The following ZC3HAV1L variants were observed in gnomAD, a reference collection of about 807,000 sequenced individuals.
ZC3HAV1L encodes the protein ZC3HAV1 like, also known as zinc finger CCCH-type antiviral protein 1-like.
In ZC3HAV1L, 23 loss-of-function variants were observed where a neutral mutation model predicts 28.2. That is an observed-to-expected ratio of 0.82 (90% confidence interval 0.59 to 1.16). ZC3HAV1L has a LOEUF of 1.16. ZC3HAV1L is among the 50% of genes most tolerant of loss of function. The pLI, the probability that ZC3HAV1L is intolerant of heterozygous loss-of-function variation, is 0.00. For synonymous variants in ZC3HAV1L, 180 were observed against 163.4 expected (o/e 1.10, Z -0.78); for missense variants, 376 against 387.7 (o/e 0.97, Z 0.25).
chr7:139,027,378 A>G (rs1815386383), intron 3 of ZC3HAV1L, among the ~76,000 whole-genome samples: 1 of 152,240 alleles, frequency 6.6e-6, no homozygotes, highest in Non-Finnish European at 1.5e-5. Flanking sequence ...TTGTAGACTA[A>G]AAAACTACTA....
intron 1 of ZC3HAV1L, 200 bp downstream of exon 1, chr7:139,035,453 G>A: frequency 1.0e-6 from 1 of 985,386 alleles, no homozygotes; most frequent in South Asian, 4.7e-5. Context: ...TCTCCATGGA[G>A]AGGACCTTCG....
Position 139,034,636 on chromosome 7 carries a change from G to A in ZC3HAV1L, c.408C>T (p.Asn136=). 6.2e-7 allele frequency: 1 copy of A among 1,614,024 alleles called. No homozygotes were observed. Among genetic ancestry groups the A allele is most frequent in the Non-Finnish European group, 8.5e-7 (1 of 1,179,926 alleles). The change falls in exon 2 of 5, where the codon AAC becomes AAT. Residue 136 remains asparagine, a synonymous_variant. Coordinates refer to ENST00000275766, the MANE Select transcript of ZC3HAV1L (RefSeq NM_080660.4). ...TLSHDIHTPV[N]MQVLKSHGLF... is the part of the protein sequence containing the mutation. ...GTCCATGGCTTTTCAGGACCTGCAT[G>A]TTGACAGGTGTGTGGATATCATGGG... is the stretch of plus-strand genomic sequence containing the variant.
intron 3 of ZC3HAV1L, among the ~76,000 whole-genome samples, chr7:139,027,063 G>C (rs1400123299): frequency 1.3e-5 from 2 of 152,128 alleles, no homozygotes; most frequent in African/African-American, 2.4e-5. Context: ...AACGAAACCA[G>C]ATGAAGACAA....
At chr7:139,035,396 G>A in intron 1 of ZC3HAV1L, 6 of 985,234 alleles carry the variant, frequency 6.1e-6, no homozygotes, top group Non-Finnish European at 7.2e-6. Flanking sequence ...CAGGATCCGG[G>A]GGGGCGGGCG....
chr7:139,035,762 A>ACACGGC lies in ZC3HAV1L; in HGVS notation c.250_255dup (p.Ala84_Val85dup). 1.3e-6 allele frequency: 2 copies of ACACGGC among 1,498,578 alleles called. No homozygotes were observed. The highest frequency in any genetic ancestry group is 1.8e-6 in the Non-Finnish European group (2 of 1,132,384). The allele number at this position is 1,498,578 out of a possible 1,614,324, so 92.8% of individuals were successfully genotyped here. On this transcript the variant is annotated inframe_insertion, in exon 1 of 5. Transcript: ENST00000275766. ...TAGCGGGCGCAGAGGCGCACAGAGG[A>ACACGGC]CACGGCCACCACCCTCCAGGCGGAG...
At chr7:139,031,423 A>G (rs1362137506) in intron 2 of ZC3HAV1L, among the ~76,000 whole-genome samples, 1 of 151,986 alleles carries the variant, frequency 6.6e-6, no homozygotes, top group Non-Finnish European at 1.5e-5. Context: ...TGTCTCTACT[A>G]AAAACACAAC....
At position 139,035,761 on chromosome 7, in the gene ZC3HAV1L, G is replaced by A. The variant is rs1362713643; in HGVS notation, c.257C>T (p.Ser86Phe). 4.0e-6 allele frequency: 6 copies of A among 1,498,662 alleles called. No individual in the cohort carries two copies. Among genetic ancestry groups the A allele is most frequent in the Middle Eastern group, 2.2e-4 (1 of 4,502 alleles). 92.8% of individuals were successfully genotyped at this position (1,498,662 alleles called of 1,614,324 possible). Residue 86 changes from serine (S) to phenylalanine (F), a missense_variant, in exon 1 of 5, where the codon TCC becomes TTC. Coordinates refer to ENST00000275766, the MANE Select transcript of ZC3HAV1L (RefSeq NM_080660.4). ...GTSAWRVVAV[S>F]SVRLCARYQR... Reference sequence around the variant, plus strand: ...GTAGCGGGCGCAGAGGCGCACAGAGGACACGGCCACCACCCTCCAGGCGGA... The same window carrying A: ...GTAGCGGGCGCAGAGGCGCACAGAGAACACGGCCACCACCCTCCAGGCGGA...
chr7:139,030,140 AACTCT>A (rs1815481098), intron 2 of ZC3HAV1L, among the ~76,000 whole-genome samples: 2 of 152,298 alleles, frequency 1.3e-5, no homozygotes, highest in African/African-American at 4.8e-5. Context: ...CACGTAAAAA[AACTCT>A]TGCTATAAAA....
At position 139,026,783 on chromosome 7, in the gene ZC3HAV1L, C is replaced by T. The variant is rs757596451; in HGVS notation, c.811G>A (p.Val271Met). The change falls in exon 4 of 5, where the codon GTG (valine) becomes ATG (methionine). Residue 271 changes from valine to methionine, a missense_variant. Physicochemically the swap from Val to Met is conservative, Grantham distance 21. Transcript: ENST00000275766. ...EHSQGLEKQG[V>M]HAAGAAEAGP... ...GCTTCTGCAGCTCCAGCTGCGTGCA[C>T]TCCTTGCTTCTCAAGGCCTTGTGAA... 4 of 1,614,164 alleles carry T rather than the reference C, an allele frequency of 2.5e-6. No homozygotes were observed. The highest frequency in any genetic ancestry group is 1.7e-5 in the Admixed American group (1 of 60,026).
intron 1 of ZC3HAV1L, 32 bp downstream of exon 1, chr7:139,035,621 C>G (rs1159977006): frequency 1.5e-6 from 2 of 1,365,654 alleles, no homozygotes; most frequent in Middle Eastern, 2.7e-4. Context: ...GCGGCCAGCG[C>G]CCACAGTCCC....
At chr7:139,032,604 T>C (rs542737906) in intron 2 of ZC3HAV1L, among the ~76,000 whole-genome samples, 29 of 147,462 alleles carry the variant, frequency 2.0e-4, no homozygotes, top group African/African-American at 6.5e-4. Context: ...GCCTGGGTGA[T>C]AGAGTGAGAC....
At chr7:139,035,414 C>A in intron 1 of ZC3HAV1L, 1 of 985,382 alleles carries the variant, frequency 1.0e-6, no homozygotes, top group Non-Finnish European at 1.2e-6. Context: ...GCGGGGGCAG[C>A]AACTTTTCTG....
At chr7:139,033,275 C>G (rs978694364) in intron 2 of ZC3HAV1L, among the ~76,000 whole-genome samples, 1 of 151,406 alleles carries the variant, frequency 6.6e-6, no homozygotes, top group Non-Finnish European at 1.5e-5. Flanking sequence ...TTGTTTAATG[C>G]TTTTATTTTA....
chr7:139,030,629 C>T (rs11768851), intron 2 of ZC3HAV1L, among the ~76,000 whole-genome samples: 73,420 of 151,218 alleles, frequency 0.49, 18,287 homozygotes, highest in Non-Finnish European at 0.52. Flanking sequence ...GAGTTCAAGA[C>T]CAGCCTGGCC....
rs1171671872 is a variant in ZC3HAV1L, at chr7:139,035,964, G to T, written c.54C>A (p.Gly18=). The T allele has an allele frequency of 1.1e-5, 17 of 1,521,482 alleles. No individual in the cohort carries two copies. The highest frequency in any genetic ancestry group is 1.5e-5 in the Non-Finnish European group (17 of 1,142,694). 94.2% of individuals were successfully genotyped at this position (1,521,482 alleles called of 1,614,324 possible). A position where few individuals can be genotyped will look rare whatever the true frequency, so the allele number is the denominator to read the frequency against. ...GCAGGTCCTTCAGGAACATGCGGCCGCCGTGGGCGCACAGCACCTTGGTGA... is the reference window on the plus strand; with the variant it reads ...GCAGGTCCTTCAGGAACATGCGGCCTCCGTGGGCGCACAGCACCTTGGTGA... ...SFLTKVLCAH[G]GRMFLKDLRG... Residue 18 remains glycine (G), a synonymous_variant, in exon 1 of 5, where the codon GGC becomes GGA. Coordinates refer to ENST00000275766, the MANE Select transcript of ZC3HAV1L (RefSeq NM_080660.4).
chr7:139,030,234 T>A (rs1243843463), intron 2 of ZC3HAV1L, among the ~76,000 whole-genome samples: 1 of 150,876 alleles, frequency 6.6e-6, no homozygotes, highest in East Asian at 2.0e-4. Flanking sequence ...TCACCTGAGG[T>A]CAGGAGTTCA....
At chr7:139,033,315 C>T (rs911296120) in intron 2 of ZC3HAV1L, among the ~76,000 whole-genome samples, 3 of 152,018 alleles carry the variant, frequency 2.0e-5, no homozygotes, top group African/African-American at 7.2e-5. Flanking sequence ...TTTGGCTTTC[C>T]GTTTCTTCTT....
chr7:139,035,883 C>T lies in ZC3HAV1L; in HGVS notation c.135G>A (p.Gly45=). 4.0e-6 allele frequency: 6 copies of T among 1,513,232 alleles called. No homozygotes were observed. Among genetic ancestry groups the T allele is most frequent in the Non-Finnish European group, 5.3e-6 (6 of 1,138,450 alleles). 93.7% of individuals were successfully genotyped at this position (1,513,232 alleles called of 1,614,324 possible). A position where few individuals can be genotyped will look rare whatever the true frequency, so the allele number is the denominator to read the frequency against. Reference sequence around the variant, plus strand: ...CCTCCTGCAGCAGGAAACGCTCGGGCCCGGCGCGCTGCAGCACGTCCCGGA... The same window carrying T: ...CCTCCTGCAGCAGGAAACGCTCGGGTCCGGCGCGCTGCAGCACGTCCCGGA... ...ARLRDVLQRA[G]PERFLLQEVE... The change falls in exon 1 of 5, where the codon GGG becomes GGA. Residue 45 remains glycine (G), a synonymous_variant. Coordinates refer to ENST00000275766, the MANE Select transcript of ZC3HAV1L (RefSeq NM_080660.4).
chr7:139,028,470 A>G (rs1417970268), intron 3 of ZC3HAV1L, among the ~76,000 whole-genome samples: 1 of 152,012 alleles, frequency 6.6e-6, no homozygotes, highest in African/African-American at 2.4e-5. Flanking sequence ...TCTAGTAGCT[A>G]GCAGTGACAG....
Sources: gnomAD v4.1 joint callset for allele counts (sites outside exome capture counted in the v4.1 genomes callset) on GRCh38, gnomAD v4.1.1 for gene constraint, MANE v1.5 for transcripts, NCBI Gene and HGNC (gene_info 2026-07-23, HGNC 2026-07-21) for gene names.